The following ADGRV1 variants were observed in gnomAD, a reference collection of about 807,000 sequenced individuals.
ADGRV1 encodes adhesion G protein-coupled receptor V1, also known as G-protein coupled receptor 98.
In ADGRV1, 359 loss-of-function variants were observed where a neutral mutation model predicts 596.2. That is an observed-to-expected ratio of 0.60 (90% CI 0.55 to 0.66). The LOEUF (loss-of-function observed/expected upper bound fraction) is 0.66, where lower values mean the gene tolerates loss of function less well. Among genes scored for constraint, ADGRV1 ranks in the 30% least tolerant of loss-of-function variants. The pLI is 0.00. For missense variants in ADGRV1, 7,274 were observed against 7,575.6 expected (o/e 0.96, Z 1.48); for synonymous variants, 2,681 against 2,679.2 (o/e 1.00, Z -0.02).
intron 76 of ADGRV1, among the ~76,000 whole-genome samples, chr5:90,825,581 C>T (rs1006680757): frequency 6.6e-6 from 1 of 152,082 alleles, no homozygotes; most frequent in African/African-American, 2.4e-5. Flanking sequence ...ACATCTGTCT[C>T]GTACAGTAGA....
intron 11 of ADGRV1, among the ~76,000 whole-genome samples, 175 bp downstream of exon 11, chr5:90,638,123 A>G (rs1006695566): frequency 6.6e-6 from 1 of 151,944 alleles, no homozygotes; most frequent in Admixed American, 6.6e-5. Flanking sequence ...TGATTAGACT[A>G]TGAGTATAAT....
In ADGRV1 at chr5:90,725,642, T is replaced by G; in HGVS notation, c.10147T>G (p.Ser3383Ala). 6.5e-7 allele frequency: 1 copy of G among 1,536,334 alleles called. No individual in the cohort carries two copies. The highest frequency in any genetic ancestry group is 9.0e-7 in the Non-Finnish European group (1 of 1,114,514). The change falls in exon 48 of 90, where the codon TCC becomes GCC. Residue 3383 changes from serine to alanine, a missense_variant. Ser to Ala is a moderately conservative substitution (Grantham distance 99). Around this residue, in one of 5 missense-constraint regions of ADGRV1, gnomAD observed 3,643 missense variants for 3,809.2 expected, o/e 0.96. Transcript: ENST00000405460. ...YLIIASQRDD[S>A]ELTQVFRWNG... ...AATCATTGCAAGTCAAAGAGATGATTCCGAATTAACTCAGGTTTGATTCTT... is the reference window on the plus strand; with the variant it reads ...AATCATTGCAAGTCAAAGAGATGATGCCGAATTAACTCAGGTTTGATTCTT...
At chr5:90,763,998 G>A (rs1581044166) in intron 59 of ADGRV1, among the ~76,000 whole-genome samples, 1 of 152,130 alleles carries the variant, frequency 6.6e-6, no homozygotes, top group East Asian at 1.9e-4. Context: ...ATGTTGAGTG[G>A]AAGCACCTGC....
At chr5:90,998,218 A>T (rs763498599) in intron 85 of ADGRV1, among the ~76,000 whole-genome samples, 1 of 152,200 alleles carries the variant, frequency 6.6e-6, no homozygotes, top group Non-Finnish European at 1.5e-5. Context: ...ATCATAAATG[A>T]GAAAGAAAAA....
Position 90,854,668 on chromosome 5 carries a change from G to C in ADGRV1, c.17594+467G>C, listed in dbSNP as rs550412184. ...TCCATGGACACAAATGGGAAGGAAAGAATGATTCTTTTTTTGAATCTCCTC... is the reference window on the plus strand; with the variant it reads ...TCCATGGACACAAATGGGAAGGAAACAATGATTCTTTTTTTGAATCTCCTC... On this transcript the variant is annotated intron_variant, in intron 81 of 89. Transcript: ENST00000405460. Among the ~76,000 whole-genome samples the C allele has an allele frequency of 6.8e-4, 104 of 152,278 alleles. 1 individual carries two copies. Among genetic ancestry groups the C allele is most frequent in the African/African-American group, 2.5e-3 (102 of 41,574 alleles).
intron 86 of ADGRV1, among the ~76,000 whole-genome samples, chr5:91,089,956 A>G (rs1222447475): frequency 6.6e-6 from 1 of 152,208 alleles, no homozygotes; most frequent in African/African-American, 2.4e-5. Flanking sequence ...GTAACTGGTA[A>G]TGTAGTTAGA....
At chr5:91,001,314 G>A (rs1483188232) in intron 85 of ADGRV1, among the ~76,000 whole-genome samples, 1 of 152,086 alleles carries the variant, frequency 6.6e-6, no homozygotes, top group Admixed American at 6.6e-5. Context: ...CTGACCTGGA[G>A]GAATCCTCCC....
At chr5:90,674,324 C>T (rs1003487944) in intron 23 of ADGRV1, 90 bp downstream of exon 23, 5 of 983,242 alleles carry the variant, frequency 5.1e-6, no homozygotes, top group Admixed American at 3.4e-5. Context: ...TTGCAAATGA[C>T]GGAAGTAGAA....
At chr5:90,971,076 G>A (rs145675350) in intron 84 of ADGRV1, among the ~76,000 whole-genome samples, 2,638 of 151,938 alleles carry the variant, frequency 0.017, 42 homozygotes, top group South Asian at 0.03. Flanking sequence ...CTCCGTAGCC[G>A]ATTTGATCAA....
chr5:91,105,414 A>G (rs1481815741), intron 87 of ADGRV1, among the ~76,000 whole-genome samples: 2 of 152,190 alleles, frequency 1.3e-5, no homozygotes, highest in Non-Finnish European at 2.9e-5. Flanking sequence ...GAACCTCCAT[A>G]CTGTTCTCCA....
intron 87 of ADGRV1, among the ~76,000 whole-genome samples, chr5:91,142,803 C>A (rs1795204547): frequency 6.6e-6 from 1 of 152,178 alleles, no homozygotes; most frequent in South Asian, 2.1e-4. Flanking sequence ...AGTTTAAATT[C>A]TTGAATCAAA....
At chr5:91,081,341 T>C (rs1240356957) in intron 86 of ADGRV1, among the ~76,000 whole-genome samples, 1 of 152,132 alleles carries the variant, frequency 6.6e-6, no homozygotes, top group Non-Finnish European at 1.5e-5. Context: ...ATGTCTCCCA[T>C]CATCTCATCC....
intron 77 of ADGRV1, among the ~76,000 whole-genome samples, chr5:90,838,843 T>C (rs759967642): frequency 1.3e-5 from 2 of 152,100 alleles, no homozygotes; most frequent in Non-Finnish European, 2.9e-5. Context: ...CTTGTTGATA[T>C]AGCGAGACCC....
At position 90,756,146 on chromosome 5, in the gene ADGRV1, A is replaced by G. The variant is rs60470187; in HGVS notation, c.11581-308A>G. Among the ~76,000 whole-genome samples, 1,829 of 152,242 alleles carry G rather than the reference A, an allele frequency of 0.012. 16 individuals carry two copies. The highest frequency in any genetic ancestry group is 0.061 in the Middle Eastern group (18 of 294). ...TGTTTCCTAAATTTTCTTTTGGGAT[A>G]TTAAATATGTAAAACATACAATAGA... is the stretch of plus-strand genomic sequence containing the variant. On this transcript the variant is annotated intron_variant, in intron 55 of 89. Transcript: ENST00000405460.
intron 83 of ADGRV1, among the ~76,000 whole-genome samples, chr5:90,919,605 A>G (rs1773692536): frequency 6.6e-6 from 1 of 152,224 alleles, no homozygotes; most frequent in Non-Finnish European, 1.5e-5. Flanking sequence ...TGATTCAGGT[A>G]AGTTTTAGTT....
At chr5:90,799,025 G>A (rs751249897) in intron 70 of ADGRV1, among the ~76,000 whole-genome samples, 1 of 152,164 alleles carries the variant, frequency 6.6e-6, no homozygotes, top group African/African-American at 2.4e-5. Flanking sequence ...ACAAGACAAG[G>A]ATGCCCTCTG....
chr5:90,902,908 T>C (rs1445559171), intron 83 of ADGRV1, among the ~76,000 whole-genome samples: 2 of 152,130 alleles, frequency 1.3e-5, no homozygotes, highest in Non-Finnish European at 2.9e-5. Context: ...ATCACATAAT[T>C]CTTGTTACTG....
chr5:91,082,181 TC>T (rs1197179798), intron 86 of ADGRV1, among the ~76,000 whole-genome samples: 1 of 152,262 alleles, frequency 6.6e-6, no homozygotes, highest in African/African-American at 2.4e-5. Context: ...CATGTGCATA[TC>T]ACTGCCATGC....
At chr5:90,562,022 C>T (rs1374287336) in intron 1 of ADGRV1, among the ~76,000 whole-genome samples, 1 of 152,102 alleles carries the variant, frequency 6.6e-6, no homozygotes, top group Non-Finnish European at 1.5e-5. Context: ...GAAAAAATCA[C>T]CAGAACCTCC....
Sources: allele counts gnomAD v4.1 joint callset (sites outside exome capture counted in the v4.1 genomes callset), GRCh38; gene constraint gnomAD v4.1.1; regional missense constraint gnomAD v4.1.1; transcripts MANE v1.5; gene names NCBI Gene and HGNC (gene_info 2026-07-23, HGNC 2026-07-21).